The following HHAT variants were observed in gnomAD, a reference collection of about 807,000 sequenced individuals.
HHAT encodes the protein protein-cysteine N-palmitoyltransferase HHAT.
Under a neutral mutation model 70.8 loss-of-function variants are expected in HHAT, and 47 were observed. That is an observed-to-expected ratio of 0.66 (90% confidence interval 0.53 to 0.85). The LOEUF (loss-of-function observed/expected upper bound fraction) is 0.85. HHAT is among the 40% of genes least tolerant of loss of function. HHAT has a pLI of 0.00. For synonymous variants in HHAT, 228 were observed against 247.6 expected (o/e 0.92, Z 0.74); for missense variants, 609 against 604.8 (o/e 1.01, Z -0.07).
Position 210,461,805 on chromosome 1 carries a change from TC to T in HHAT, c.857-2699del, listed in dbSNP as rs375223791. Reference sequence around the variant, plus strand: ...ATATTAAAATTTCAAGGAAAAAAAATCTATTTAAGCCTTTCATATCTTAAGC... The same window carrying T: ...ATATTAAAATTTCAAGGAAAAAAAATTATTTAAGCCTTTCATATCTTAAGC... On this transcript the variant is annotated intron_variant, in intron 7 of 11. Transcript: ENST00000261458. Among the ~76,000 whole-genome samples, 187 of 152,254 alleles carry T rather than the reference TC, an allele frequency of 1.2e-3. 1 individual carries two copies. The highest frequency in any genetic ancestry group is 4.1e-3 in the African/African-American group (170 of 41,562).
chr1:210,675,282 A>G lies in HHAT; in HGVS notation c.*903A>G, dbSNP rs1680930747. ...TATATTATTAAGGTTTGATTCAAACAGAGCCTTTTCTGTCCTGTAGATAAT... is the reference window on the plus strand; with the variant it reads ...TATATTATTAAGGTTTGATTCAAACGGAGCCTTTTCTGTCCTGTAGATAAT... On this transcript the variant is annotated 3_prime_UTR_variant, in exon 12 of 12. Transcript: ENST00000261458. 6.6e-6 allele frequency: 1 copy of G among 152,240 alleles called. No individual in the cohort carries two copies. Among genetic ancestry groups the G allele is most frequent in the Non-Finnish European group, 1.5e-5 (1 of 68,038 alleles). 9.4% of individuals were successfully genotyped at this position (152,240 alleles called of 1,614,324 possible).
intron 2 of HHAT, among the ~76,000 whole-genome samples, chr1:210,357,232 G>T (rs577022980): frequency 2.6e-5 from 4 of 151,656 alleles, no homozygotes; most frequent in African/African-American, 9.8e-5. Context: ...TCAGGTAGGT[G>T]TTGGGGGTTC....
chr1:210,545,617 T>G (rs1307055857), intron 9 of HHAT, among the ~76,000 whole-genome samples: 1 of 151,926 alleles, frequency 6.6e-6, no homozygotes, highest in Non-Finnish European at 1.5e-5. Context: ...TTGTATTTTT[T>G]GTAGAGATGG....
intron 7 of HHAT, among the ~76,000 whole-genome samples, chr1:210,454,123 T>C (rs936674907): frequency 4.6e-5 from 7 of 152,208 alleles, no homozygotes; most frequent in African/African-American, 1.4e-4. Context: ...TACCTCCCGC[T>C]GGGTTCCTCC....
At chr1:210,640,127 C>T (rs1026508684) in intron 11 of HHAT, among the ~76,000 whole-genome samples, 2 of 152,162 alleles carry the variant, frequency 1.3e-5, no homozygotes, top group African/African-American at 4.8e-5. Context: ...TAAGAAGAAG[C>T]CATTACTATT....
chr1:210,339,639 C>T (rs1376800504), intron 1 of HHAT, among the ~76,000 whole-genome samples: 2 of 152,036 alleles, frequency 1.3e-5, no homozygotes, highest in Middle Eastern at 3.2e-3. Flanking sequence ...TGTGAGCTGG[C>T]GCCAAATGCC....
intron 7 of HHAT, among the ~76,000 whole-genome samples, chr1:210,432,943 A>G (rs1450750912): frequency 2.0e-5 from 3 of 151,816 alleles, no homozygotes; most frequent in Admixed American, 6.6e-5. Context: ...GAGATACTGT[A>G]ATTTTTTTAT....
chr1:210,592,556 A>T (rs994586940), intron 10 of HHAT, among the ~76,000 whole-genome samples: 4 of 151,396 alleles, frequency 2.6e-5, no homozygotes, highest in East Asian at 1.9e-4. Flanking sequence ...TTTTTTTTTT[A>T]AATTTCTGTG....
chr1:210,348,691 C>A (rs1276326653), intron 1 of HHAT, among the ~76,000 whole-genome samples: 1 of 151,274 alleles, frequency 6.6e-6, no homozygotes. Flanking sequence ...AGGAAAAGAC[C>A]TGACCCCTTT....
chr1:210,387,372 C>A, intron 3 of HHAT, 96 bp from the exon 4 acceptor site: 1 of 990,512 alleles, frequency 1.0e-6, no homozygotes, highest in South Asian at 1.4e-5. Context: ...AGTTTGGACT[C>A]ACACTGGCCT....
intron 4 of HHAT, among the ~76,000 whole-genome samples, chr1:210,390,706 C>T (rs1317195669): frequency 2.6e-5 from 4 of 152,146 alleles, no homozygotes; most frequent in South Asian, 2.1e-4. Flanking sequence ...TATGCCTTTG[C>T]GTCTTCATAG....
intron 7 of HHAT, among the ~76,000 whole-genome samples, chr1:210,455,288 T>C (rs899791688): frequency 6.6e-6 from 1 of 152,224 alleles, no homozygotes; most frequent in Non-Finnish European, 1.5e-5. Flanking sequence ...ATTAGTTAGC[T>C]TGAAACAACT....
At chr1:210,329,841 G>A (rs2084832100) in intron 1 of HHAT, among the ~76,000 whole-genome samples, 1 of 152,220 alleles carries the variant, frequency 6.6e-6, no homozygotes, top group South Asian at 2.1e-4. Flanking sequence ...TCAGCATCCC[G>A]GTTTCAAGCG....
chr1:210,497,294 A>G (rs1029296660), intron 8 of HHAT, among the ~76,000 whole-genome samples: 2 of 152,218 alleles, frequency 1.3e-5, no homozygotes, highest in African/African-American at 4.8e-5. Context: ...CTCCTAGCCA[A>G]TATTTTTTGT....
intron 8 of HHAT, among the ~76,000 whole-genome samples, chr1:210,511,206 C>A (rs1256403998): frequency 6.6e-6 from 1 of 152,168 alleles, no homozygotes; most frequent in Non-Finnish European, 1.5e-5. Flanking sequence ...TGAAACACAT[C>A]AGCTCTCCCT....
At chr1:210,595,327 G>C (rs1277471337) in intron 10 of HHAT, among the ~76,000 whole-genome samples, 1 of 152,110 alleles carries the variant, frequency 6.6e-6, no homozygotes, top group Non-Finnish European at 1.5e-5. Flanking sequence ...AGTATTCCAT[G>C]GTGTATATGT....
At chr1:210,422,631 C>A (rs1269076980) in intron 7 of HHAT, among the ~76,000 whole-genome samples, 2 of 152,118 alleles carry the variant, frequency 1.3e-5, no homozygotes, top group African/African-American at 4.8e-5. Context: ...AAAAATACCA[C>A]ATTTTCTTTT....
intron 8 of HHAT, among the ~76,000 whole-genome samples, chr1:210,475,135 A>G (rs2094284547): frequency 6.6e-6 from 1 of 151,992 alleles, no homozygotes; most frequent in Non-Finnish European, 1.5e-5. Flanking sequence ...TGTTGGGATT[A>G]CAGGTGTGAG....
At chr1:210,482,198 C>T (rs968039098) in intron 8 of HHAT, among the ~76,000 whole-genome samples, 3 of 152,122 alleles carry the variant, frequency 2.0e-5, no homozygotes, top group Non-Finnish European at 1.5e-5. Context: ...ATCATCTGCT[C>T]ACCACTAAAA....
Sources: allele counts gnomAD v4.1 joint callset (sites outside exome capture counted in the v4.1 genomes callset), GRCh38; gene constraint gnomAD v4.1.1; transcripts MANE v1.5; gene names NCBI Gene and HGNC (gene_info 2026-07-23, HGNC 2026-07-21).